PDE4D: variants seen among roughly 807,000 people sequenced by gnomAD.
The protein encoded by PDE4D is phosphodiesterase 4D, also known as 3',5'-cyclic-AMP phosphodiesterase 4D.
Under a neutral mutation model 87.4 loss-of-function variants are expected in PDE4D, and 24 were observed. That is an observed-to-expected ratio of 0.27 (90% confidence interval 0.20 to 0.39). The LOEUF (loss-of-function observed/expected upper bound fraction) is 0.39, where lower values mean the gene tolerates loss of function less well. PDE4D is among the 10% of genes least tolerant of loss of function. The probability of loss-of-function intolerance (pLI) is 1.00; values close to 1 mark genes in which losing one functional copy is unlikely to be tolerated. For synonymous variants in PDE4D, 384 were observed against 383.2 expected, an observed-to-expected ratio of 1.00 and a Z score of -0.02; for missense variants, 714 against 1,041.0, an observed-to-expected ratio of 0.69 and a Z score of 4.32.
intron 1 of PDE4D, chr5:59,275,778 A>G (rs1466004399): frequency 2.0e-6 from 2 of 995,066 alleles, no homozygotes; most frequent in African/African-American, 1.7e-5. Flanking sequence ...TAACAGCTTT[A>G]AAGGTTTCTG....
At chr5:60,161,490 AAC>A (rs1241123582) in intron 2 of PDE4D, among the ~76,000 whole-genome samples, 1 of 152,118 alleles carries the variant, frequency 6.6e-6, no homozygotes, top group Non-Finnish European at 1.5e-5. Context: ...ACTCAAGCAA[AAC>A]AACATTTCAC....
At chr5:59,782,339 C>T (rs1010612676) in intron 1 of PDE4D, among the ~76,000 whole-genome samples, 6 of 152,092 alleles carry the variant, frequency 3.9e-5, no homozygotes, top group African/African-American at 1.4e-4. Flanking sequence ...AGGCTTAGTA[C>T]CCACTTTTTA....
At chr5:59,152,175 GAAT>G (rs1335137795) in intron 5 of PDE4D, among the ~76,000 whole-genome samples, 3 of 152,028 alleles carry the variant, frequency 2.0e-5, no homozygotes, top group African/African-American at 4.8e-5. Context: ...TGTAAAATGG[GAAT>G]AATAATTTTA....
chr5:59,848,432 A>T (rs1744181067), intron 1 of PDE4D, among the ~76,000 whole-genome samples: 1 of 152,078 alleles, frequency 6.6e-6, no homozygotes, highest in Non-Finnish European at 1.5e-5. Context: ...TTTAGTTAAA[A>T]TATACACACA....
At chr5:60,176,033 T>C (rs1406618207) in intron 2 of PDE4D, among the ~76,000 whole-genome samples, 1 of 152,152 alleles carries the variant, frequency 6.6e-6, no homozygotes, top group Non-Finnish European at 1.5e-5. Context: ...GGGAAATGGT[T>C]GTGGGTTTGA....
chr5:59,437,966 G>A (rs929368634), intron 1 of PDE4D, among the ~76,000 whole-genome samples: 2 of 152,146 alleles, frequency 1.3e-5, no homozygotes, highest in Non-Finnish European at 2.9e-5. Flanking sequence ...CAGGGTGGCA[G>A]GAGAGAGAAT....
intron 1 of PDE4D, among the ~76,000 whole-genome samples, chr5:59,416,395 A>AT (rs1323106206): frequency 1.3e-5 from 2 of 152,028 alleles, no homozygotes; most frequent in Admixed American, 6.5e-5. Flanking sequence ...GTATGCCTGA[A>AT]TTTTTTTCCA....
intron 1 of PDE4D, among the ~76,000 whole-genome samples, chr5:59,711,084 G>A (rs1754134259): frequency 6.6e-6 from 1 of 152,106 alleles, no homozygotes; most frequent in South Asian, 2.1e-4. Flanking sequence ...GACCTGCAGA[G>A]GAAAAGATAC....
chr5:59,243,023 A>G (rs1270787164), intron 1 of PDE4D, among the ~76,000 whole-genome samples: 1 of 152,178 alleles, frequency 6.6e-6, no homozygotes, highest in Non-Finnish European at 1.5e-5. Context: ...CAGGCACAGT[A>G]TTTCTTACGT....
chr5:59,357,363 G>A (rs1781555314), intron 1 of PDE4D, among the ~76,000 whole-genome samples: 1 of 152,126 alleles, frequency 6.6e-6, no homozygotes, highest in Non-Finnish European at 1.5e-5. Context: ...ACAGCTAACT[G>A]CCAACTATAA....
chr5:59,274,308 T>A (rs1350648560), intron 1 of PDE4D, among the ~76,000 whole-genome samples: 1 of 152,132 alleles, frequency 6.6e-6, no homozygotes, highest in Admixed American at 6.6e-5. Context: ...ATGGGGCAAT[T>A]CTTGTTTCTG....
intron 1 of PDE4D, among the ~76,000 whole-genome samples, chr5:60,314,734 G>C (rs1215998275): frequency 6.6e-6 from 1 of 152,032 alleles, no homozygotes; most frequent in Admixed American, 6.6e-5. Flanking sequence ...ACAACATGCG[G>C]TGTTTGGGTT....
chr5:59,668,816 G>GA (rs200367780), intron 1 of PDE4D, among the ~76,000 whole-genome samples: 2,376 of 93,538 alleles, frequency 0.025, 268 homozygotes, highest in African/African-American at 0.11. Flanking sequence ...AGAAGAAGAA[G>GA]AAGAAGAAGA....
chr5:60,444,616 G>A (rs1412325517), intron 1 of PDE4D, among the ~76,000 whole-genome samples: 1 of 152,018 alleles, frequency 6.6e-6, no homozygotes, highest in African/African-American at 2.4e-5. Context: ...TTTCCAGATG[G>A]GCGAGGTATG....
intron 1 of PDE4D, among the ~76,000 whole-genome samples, chr5:59,240,903 A>G (rs28647633): frequency 0.075 from 11,452 of 152,102 alleles, 562 homozygotes; most frequent in Non-Finnish European, 0.11. Flanking sequence ...TAATGACCCT[A>G]CTGCTATTTA....
At chr5:59,558,083 C>A (rs2153690441) in intron 1 of PDE4D, among the ~76,000 whole-genome samples, 1 of 152,270 alleles carries the variant, frequency 6.6e-6, no homozygotes, top group African/African-American at 2.4e-5. Context: ...AGATTTATTG[C>A]AAACCATGCT....
At chr5:59,835,808 A>G (rs1741934136) in intron 1 of PDE4D, among the ~76,000 whole-genome samples, 1 of 151,982 alleles carries the variant, frequency 6.6e-6, no homozygotes, top group South Asian at 2.1e-4. Flanking sequence ...CTCAGAGTAG[A>G]TGGTCCTGGG....
intron 5 of PDE4D, among the ~76,000 whole-genome samples, chr5:59,122,655 G>A (rs1436694657): frequency 6.6e-6 from 1 of 152,166 alleles, no homozygotes; most frequent in East Asian, 1.9e-4. Flanking sequence ...AATATATACA[G>A]TAATTATGCA....
intron 1 of PDE4D, among the ~76,000 whole-genome samples, chr5:60,197,736 A>G (rs994767520): frequency 2.6e-5 from 4 of 151,746 alleles, no homozygotes; most frequent in African/African-American, 9.7e-5. Context: ...AAAGCAAGGC[A>G]TAAAATGAAG....
Sources: gnomAD v4.1 joint callset for allele counts (sites outside exome capture counted in the v4.1 genomes callset) on GRCh38, gnomAD v4.1.1 for gene constraint, MANE v1.5 for transcripts, NCBI Gene and HGNC (gene_info 2026-07-23, HGNC 2026-07-21) for gene names.